The following ROBO2 variants were observed in gnomAD, a reference collection of about 807,000 sequenced individuals.
ROBO2 encodes the protein roundabout guidance receptor 2.
ROBO2 carries 53 observed loss-of-function variants against 160.8 expected under a neutral mutation model. The observed-to-expected ratio is 0.33, with a 90% CI of 0.26 to 0.41. The LOEUF (loss-of-function observed/expected upper bound fraction) is 0.41, where lower values mean the gene tolerates loss of function less well. Ranked by LOEUF, ROBO2 falls within the 10% of genes least tolerant of loss-of-function variation. The pLI is 1.00. For synonymous variants in ROBO2, 664 were observed against 611.7 expected (o/e 1.09, Z -1.26); for missense variants, 1,577 against 1,722.4 (o/e 0.92, Z 1.49).
chr3:76,665,598 C>T (rs535730801), intron 2 of ROBO2, among the ~76,000 whole-genome samples: 3 of 151,354 alleles, frequency 2.0e-5, no homozygotes, highest in South Asian at 4.2e-4. Context: ...ATTCAGCATA[C>T]AAGATTTTCA....
At chr3:76,900,615 G>C (rs1223630302) in intron 2 of ROBO2, among the ~76,000 whole-genome samples, 1 of 152,186 alleles carries the variant, frequency 6.6e-6, no homozygotes, top group Non-Finnish European at 1.5e-5. Flanking sequence ...GCCAGTTAAG[G>C]CTGGAATTTG....
At chr3:76,625,325 A>C (rs914598252) in intron 2 of ROBO2, among the ~76,000 whole-genome samples, 1 of 152,186 alleles carries the variant, frequency 6.6e-6, no homozygotes, top group Non-Finnish European at 1.5e-5. Context: ...TGTAAAACAT[A>C]TAACTAAAGA....
intron 23 of ROBO2, among the ~76,000 whole-genome samples, chr3:77,624,842 A>C (rs538908182): frequency 2.6e-5 from 4 of 152,276 alleles, no homozygotes; most frequent in African/African-American, 9.6e-5. Context: ...CATGGGTTAC[A>C]CAGTCCCTGA....
At chr3:77,564,920 T>C in intron 11 of ROBO2, 34 bp from the exon 13 acceptor site, 1 of 1,605,608 alleles carries the variant, frequency 6.2e-7, no homozygotes, top group Non-Finnish European at 8.5e-7. Flanking sequence ...TTCAAATGAC[T>C]GTTCTTTAAA....
At chr3:76,925,613 C>T (rs2076946023) in intron 2 of ROBO2, among the ~76,000 whole-genome samples, 1 of 152,134 alleles carries the variant, frequency 6.6e-6, no homozygotes, top group Non-Finnish European at 1.5e-5. Flanking sequence ...TTGATATTTG[C>T]AATGCACTTT....
At position 76,980,141 on chromosome 3, in the gene ROBO2, T is replaced by C. The variant is rs76919956; in HGVS notation, c.110-117873T>C. On this transcript the variant is annotated intron_variant, in intron 2 of 26. Coordinates refer to the ROBO2 transcript ENST00000487694. ...ACAGGAAACTCTGCAAATGGAGGAC[T>C]ATCTTATTCCATTGGCCATTCTCGG... Among the ~76,000 whole-genome samples the C allele has an allele frequency of 9.6e-3, 1,468 of 152,294 alleles. 29 individuals carry two copies. The highest frequency in any genetic ancestry group is 0.033 in the African/African-American group (1,362 of 41,564).
intron 2 of ROBO2, among the ~76,000 whole-genome samples, chr3:75,981,786 T>C (rs1272830229): frequency 1.3e-5 from 2 of 151,378 alleles, no homozygotes; most frequent in African/African-American, 4.8e-5. Flanking sequence ...GTTACACTCT[T>C]TAAGTGAATT....
intron 2 of ROBO2, among the ~76,000 whole-genome samples, chr3:77,253,924 G>T (rs1244775300): frequency 2.0e-5 from 3 of 151,936 alleles, no homozygotes; most frequent in Non-Finnish European, 4.4e-5. Flanking sequence ...AAAGAAAAAG[G>T]GTATATCTTG....
At chr3:76,646,057 C>T (rs184693619) in intron 2 of ROBO2, among the ~76,000 whole-genome samples, 5 of 152,176 alleles carry the variant, frequency 3.3e-5, no homozygotes, top group Admixed American at 6.6e-5. Flanking sequence ...GTGTTCGAGA[C>T]GTGATTCCTC....
At chr3:76,520,585 C>T (rs1202878307) in intron 2 of ROBO2, among the ~76,000 whole-genome samples, 1 of 152,130 alleles carries the variant, frequency 6.6e-6, no homozygotes, top group African/African-American at 2.4e-5. Context: ...TCAAAATTCT[C>T]ATTTTCCTCT....
intron 2 of ROBO2, among the ~76,000 whole-genome samples, chr3:76,909,419 G>C (rs951884926): frequency 6.6e-6 from 1 of 152,092 alleles, no homozygotes; most frequent in African/African-American, 2.4e-5. Flanking sequence ...CAGAGGAGGG[G>C]GTTCTGGGGA....
intron 2 of ROBO2, among the ~76,000 whole-genome samples, chr3:77,191,735 C>A (rs991385281): frequency 1.3e-5 from 2 of 152,148 alleles, no homozygotes; most frequent in East Asian, 3.9e-4. Context: ...GGTTCTCCTG[C>A]TGGGAAAACA....
chr3:75,969,209 T>C (rs1456869542), intron 2 of ROBO2, among the ~76,000 whole-genome samples: 2 of 150,110 alleles, frequency 1.3e-5, no homozygotes, highest in Non-Finnish European at 3.0e-5. Context: ...TAACTATACA[T>C]CATAGTTTCT....
chr3:75,984,647 G>T (rs937348509), intron 2 of ROBO2, among the ~76,000 whole-genome samples: 2 of 151,386 alleles, frequency 1.3e-5, no homozygotes, highest in Non-Finnish European at 3.0e-5. Context: ...TGCATGCTAT[G>T]TACATGCATA....
intron 2 of ROBO2, among the ~76,000 whole-genome samples, chr3:76,627,016 T>TC (rs1165983760): frequency 6.6e-6 from 1 of 152,128 alleles, no homozygotes; most frequent in Non-Finnish European, 1.5e-5. Context: ...TAAGGGACAA[T>TC]CTAATATGCC....
intron 2 of ROBO2, among the ~76,000 whole-genome samples, chr3:76,580,342 G>GTGTTTTTTTTTTTT: frequency 1.1e-5 from 1 of 90,562 alleles, no homozygotes; most frequent in Non-Finnish European, 2.1e-5. Context: ...TTTTTTTTGT[G>GTGTTTTTTTTTTTT]TTTTTTTTTT....
chr3:77,348,217 G>A (rs563617667), intron 2 of ROBO2, among the ~76,000 whole-genome samples: 10 of 152,164 alleles, frequency 6.6e-5, no homozygotes, highest in African/African-American at 2.2e-4. Flanking sequence ...TTTAAAGAAC[G>A]GCTACTCCAC....
intron 4 of ROBO2, among the ~76,000 whole-genome samples, chr3:77,485,768 T>A (rs2085277660): frequency 1.3e-5 from 2 of 152,260 alleles, no homozygotes; most frequent in East Asian, 3.9e-4. Context: ...ATTTGAATTT[T>A]GTTTTATTTT....
chr3:76,225,263 T>C (rs532312950), intron 2 of ROBO2, among the ~76,000 whole-genome samples: 9 of 152,316 alleles, frequency 5.9e-5, no homozygotes, highest in South Asian at 4.1e-4. Flanking sequence ...AAGTTTATTA[T>C]GTTTTAAAGC....
Sources: gnomAD v4.1 joint callset for allele counts (sites outside exome capture counted in the v4.1 genomes callset) on GRCh38, gnomAD v4.1.1 for gene constraint, MANE v1.5 for transcripts, NCBI Gene and HGNC (gene_info 2026-07-23, HGNC 2026-07-21) for gene names.